The following MRTFB variants were observed in gnomAD, a reference collection of about 807,000 sequenced individuals.
The protein encoded by MRTFB is myocardin related transcription factor B, also known as myocardin-related transcription factor B.
In MRTFB, 29 loss-of-function variants were observed where a neutral mutation model predicts 104.2. That is an observed-to-expected ratio of 0.28 (90% CI 0.21 to 0.38). The LOEUF (loss-of-function observed/expected upper bound fraction) is 0.38. MRTFB is among the 10% of genes least tolerant of loss of function. The pLI is 1.00. For missense variants in MRTFB, 1,270 were observed against 1,341.6 expected, an observed-to-expected ratio of 0.95 and a Z score of 0.83; for synonymous variants, 535 against 519.5, an observed-to-expected ratio of 1.03 and a Z score of -0.41.
chr16:14,126,073 C>T (rs1293619401), intron 2 of MRTFB, among the ~76,000 whole-genome samples: 2 of 152,124 alleles, frequency 1.3e-5, no homozygotes, highest in Non-Finnish European at 2.9e-5. Context: ...ATTTATTTTA[C>T]TGATTGAACT....
chr16:14,143,334 C>T (rs921263320), intron 3 of MRTFB: 27 of 151,908 alleles, frequency 1.8e-4, no homozygotes, highest in Admixed American at 1.2e-3. Flanking sequence ...GGGTTTAATA[C>T]GTTTTCTTCA....
intron 8 of MRTFB, among the ~76,000 whole-genome samples, chr16:14,230,144 A>G (rs2042191171): frequency 6.6e-6 from 1 of 152,194 alleles, no homozygotes; most frequent in Non-Finnish European, 1.5e-5. Flanking sequence ...AGATGGATTA[A>G]AGACTTACAT....
At chr16:14,190,884 G>T (rs866731374) in intron 3 of MRTFB, among the ~76,000 whole-genome samples, 1 of 152,202 alleles carries the variant, frequency 6.6e-6, no homozygotes, top group African/African-American at 2.4e-5. Flanking sequence ...CACATTTCCA[G>T]TTCTGCCACA....
chr16:14,207,363 G>T (rs1024542569), intron 3 of MRTFB, among the ~76,000 whole-genome samples: 3 of 152,152 alleles, frequency 2.0e-5, no homozygotes, highest in Non-Finnish European at 2.9e-5. Flanking sequence ...ATTGGTGGTT[G>T]GTGTCTACGA....
chr16:14,188,879 ATAGAAGTGT>A (rs1412531143), intron 3 of MRTFB, among the ~76,000 whole-genome samples: 1 of 152,222 alleles, frequency 6.6e-6, no homozygotes, highest in African/African-American at 2.4e-5. Context: ...TGTTTACAAA[ATAGAAGTGT>A]TATATATCTT....
At chr16:14,128,586 A>G (rs1337393817) in intron 2 of MRTFB, among the ~76,000 whole-genome samples, 3 of 152,214 alleles carry the variant, frequency 2.0e-5, no homozygotes, top group Non-Finnish European at 2.9e-5. Flanking sequence ...GACCTGACCA[A>G]GTTAACCCCC....
intron 3 of MRTFB, among the ~76,000 whole-genome samples, chr16:14,201,487 G>A (rs2040701533): frequency 6.6e-6 from 1 of 152,136 alleles, no homozygotes; most frequent in Admixed American, 6.5e-5. Context: ...TACTTCCTGG[G>A]GAAATTTCTT....
intron 3 of MRTFB, among the ~76,000 whole-genome samples, chr16:14,166,362 G>A (rs2039243208): frequency 6.6e-6 from 1 of 151,598 alleles, no homozygotes; most frequent in African/African-American, 2.4e-5. Flanking sequence ...TATTACGTAT[G>A]TATTCTTTTA....
chr16:14,154,157 A>T (rs1392214707), intron 3 of MRTFB, among the ~76,000 whole-genome samples: 6 of 152,118 alleles, frequency 3.9e-5, no homozygotes, highest in Non-Finnish European at 7.3e-5. Flanking sequence ...ATAAAGCTAG[A>T]CCCTGTCTCT....
Position 14,249,076 on chromosome 16 carries a change from A to G in MRTFB, c.2398A>G (p.Arg800Gly). 1 of 1,613,536 alleles carries G rather than the reference A, an allele frequency of 6.2e-7. No homozygotes were observed. Among genetic ancestry groups the G allele is most frequent in the Non-Finnish European group, 8.5e-7 (1 of 1,179,870 alleles). ...QHVLSQPQQV[R>G]KVFTNSASSN... Reference sequence around the variant, plus strand: ...TGTGCTCAGTCAGCCTCAACAAGTCAGAAAGGTTTGTAAATGCCAAGGAGC... The same window carrying G: ...TGTGCTCAGTCAGCCTCAACAAGTCGGAAAGGTTTGTAAATGCCAAGGAGC... The change falls in exon 13 of 17, where the codon AGA (arginine) becomes GGA (glycine). Residue 800 changes from arginine (R) to glycine (G), a missense_variant. Coordinates refer to ENST00000571589, the MANE Select transcript of MRTFB (RefSeq NM_001308142.2).
At chr16:14,169,470 T>C (rs1293304522) in intron 3 of MRTFB, among the ~76,000 whole-genome samples, 3 of 152,208 alleles carry the variant, frequency 2.0e-5, no homozygotes, top group African/African-American at 7.2e-5. Context: ...TTTTTGTCTT[T>C]TAATTATGAA....
chr16:14,167,658 T>A (rs908400998), intron 3 of MRTFB, among the ~76,000 whole-genome samples: 3 of 152,112 alleles, frequency 2.0e-5, no homozygotes, highest in African/African-American at 7.2e-5. Context: ...AAGTCTTTAA[T>A]CTATCTTTTT....
In MRTFB at chr16:14,262,339, T is replaced by A. The variant is rs1487243749; in HGVS notation, c.*895T>A. Reference sequence around the variant, plus strand: ...ATATTTCTAGAGTACTTGAGCCACATGTATTTCTGTATTTAAAGAATTGCT... The same window carrying A: ...ATATTTCTAGAGTACTTGAGCCACAAGTATTTCTGTATTTAAAGAATTGCT... On this transcript the variant is annotated 3_prime_UTR_variant, in exon 17 of 17. Transcript: ENST00000571589. The A allele has an allele frequency of 1.3e-5, 2 of 152,252 alleles. No individual in the cohort carries two copies. The highest frequency in any genetic ancestry group is 3.8e-4 in the East Asian group (2 of 5,200). 9.4% of individuals were successfully genotyped at this position (152,252 alleles called of 1,614,324 possible).
chr16:14,256,816 A>G (rs1160561138), intron 15 of MRTFB, among the ~76,000 whole-genome samples: 2 of 152,266 alleles, frequency 1.3e-5, no homozygotes, highest in Admixed American at 1.3e-4. Context: ...ATAGGTAACT[A>G]ATGCATGTAT....
intron 2 of MRTFB, among the ~76,000 whole-genome samples, chr16:14,126,931 T>C (rs1489446123): frequency 6.6e-6 from 1 of 152,226 alleles, no homozygotes; most frequent in Non-Finnish European, 1.5e-5. Flanking sequence ...TAGCTAAAAA[T>C]GAAGCCAGTG....
At chr16:14,236,659 G>C (rs954891146) in intron 9 of MRTFB, among the ~76,000 whole-genome samples, 12 of 152,290 alleles carry the variant, frequency 7.9e-5, no homozygotes, top group Admixed American at 7.2e-4. Flanking sequence ...TCTATGGGAA[G>C]AAAATTTGAC....
At chr16:14,129,201 A>G (rs2037315539) in intron 2 of MRTFB, among the ~76,000 whole-genome samples, 1 of 152,238 alleles carries the variant, frequency 6.6e-6, no homozygotes, top group African/African-American at 2.4e-5. Flanking sequence ...AATTATGAAT[A>G]TAGCTGTTAG....
rs56296807 is a variant in MRTFB at position 14,243,864 on chromosome 16, G to GTTTTTTTTTTTT, written c.1080-1662_1080-1651dup. On this transcript the variant is annotated intron_variant, in intron 10 of 16. Coordinates refer to ENST00000571589, the MANE Select transcript of MRTFB (RefSeq NM_001308142.2). ...CAGAGATTAGTTTTGCCTGTTTTGG[G>GTTTTTTTTTTTT]TTTTTTTTTTTTTGAGACAGAGTCT... 3.0e-4 allele frequency among the ~76,000 whole-genome samples: 38 copies of GTTTTTTTTTTTT among 124,638 alleles called. 3 individuals are homozygous for GTTTTTTTTTTTT. Among genetic ancestry groups the GTTTTTTTTTTTT allele is most frequent in the African/African-American group, 1.3e-3 (34 of 26,472 alleles). 81.8% of individuals were successfully genotyped at this position (124,638 alleles called of 152,430 possible). A position where few individuals can be genotyped will look rare whatever the true frequency, so the allele number is the denominator to read the frequency against.
intron 16 of MRTFB, among the ~76,000 whole-genome samples, chr16:14,258,904 A>G (rs1039554229): frequency 1.3e-5 from 2 of 152,212 alleles, no homozygotes; most frequent in African/African-American, 4.8e-5. Context: ...TTTGAAGTAT[A>G]AAAATCAATA....
Sources: gnomAD v4.1 joint callset for allele counts (sites outside exome capture counted in the v4.1 genomes callset) on GRCh38, gnomAD v4.1.1 for gene constraint, MANE v1.5 for transcripts, NCBI Gene and HGNC (gene_info 2026-07-23, HGNC 2026-07-21) for gene names.